Variants in GRM7 observed in about 807,000 individuals in gnomAD.
GRM7 encodes the protein metabotropic glutamate receptor 7.
A neutral mutation model predicts 84.5 loss-of-function variants in GRM7; 35 were observed. That is an observed-to-expected ratio of 0.41 (90% CI 0.32 to 0.55). The LOEUF (loss-of-function observed/expected upper bound fraction) is 0.55, where lower values mean the gene tolerates loss of function less well. Among genes scored for constraint, GRM7 ranks in the 20% least tolerant of loss-of-function variants. GRM7 has a pLI of 0.19. For synonymous variants in GRM7, 487 were observed against 455.1 expected (o/e 1.07, Z -0.89); for missense variants, 1,003 against 1,194.6 (o/e 0.84, Z 2.36).
chr3:7,059,460 T>G (rs916476591), intron 1 of GRM7, among the ~76,000 whole-genome samples: 1 of 151,768 alleles, frequency 6.6e-6, no homozygotes, highest in Non-Finnish European at 1.5e-5. Flanking sequence ...AACAAAAGGG[T>G]ATCTAAACAC....
intron 2 of GRM7, among the ~76,000 whole-genome samples, chr3:7,208,767 T>G (rs1416695507): frequency 6.6e-6 from 1 of 152,178 alleles, no homozygotes; most frequent in Non-Finnish European, 1.5e-5. Flanking sequence ...TGCTCTGCAA[T>G]TTGCCTTTTC....
chr3:7,677,171 A>C (rs2125137502), intron 8 of GRM7, among the ~76,000 whole-genome samples: 1 of 147,484 alleles, frequency 6.8e-6, no homozygotes, highest in Middle Eastern at 3.5e-3. Context: ...CTGAGGCAGG[A>C]GACTCGCTTG....
chr3:6,985,462 C>T (rs1271046219), intron 1 of GRM7, among the ~76,000 whole-genome samples: 1 of 152,104 alleles, frequency 6.6e-6, no homozygotes, highest in Non-Finnish European at 1.5e-5. Context: ...TGATGTTTGT[C>T]TGTCTGTGCC....
intron 4 of GRM7, among the ~76,000 whole-genome samples, chr3:7,322,550 C>T (rs549667579): frequency 2.6e-4 from 40 of 151,550 alleles, no homozygotes; most frequent in Admixed American, 1.7e-3. Flanking sequence ...TATCCCTTGC[C>T]CCTCACCCCT....
At chr3:6,972,021 A>T (rs946972389) in intron 1 of GRM7, among the ~76,000 whole-genome samples, 1 of 152,210 alleles carries the variant, frequency 6.6e-6, no homozygotes, top group African/African-American at 2.4e-5. Context: ...AATGTATCTA[A>T]CTTAATTTTC....
intron 6 of GRM7, 22 bp downstream of exon 6, chr3:7,452,829 C>T: frequency 6.8e-7 from 1 of 1,471,894 alleles, no homozygotes; most frequent in Non-Finnish European, 9.5e-7. Context: ...AAAATCCATC[C>T]TTTTTGGAAT....
chr3:7,330,688 C>G (rs184198253), intron 4 of GRM7, among the ~76,000 whole-genome samples: 6 of 152,300 alleles, frequency 3.9e-5, no homozygotes, highest in Admixed American at 3.9e-4. Context: ...TGCATTTCAC[C>G]TTCCACCATG....
intron 1 of GRM7, among the ~76,000 whole-genome samples, chr3:7,108,211 T>C (rs1692720399): frequency 6.6e-6 from 1 of 152,110 alleles, no homozygotes; most frequent in South Asian, 2.1e-4. Flanking sequence ...TTCTACATTA[T>C]ATATTTCAGA....
intron 1 of GRM7, among the ~76,000 whole-genome samples, chr3:7,101,464 T>A (rs1481507073): frequency 6.6e-6 from 1 of 151,726 alleles, no homozygotes; most frequent in Admixed American, 6.6e-5. Flanking sequence ...TTTTTTACTG[T>A]GTTTTTATAT....
intron 2 of GRM7, among the ~76,000 whole-genome samples, chr3:7,240,103 A>C (rs1011848609): frequency 7.8e-6 from 1 of 128,860 alleles, no homozygotes; most frequent in African/African-American, 2.9e-5. Flanking sequence ...AGTACCAGTA[A>C]TCTTTTAGCA....
chr3:7,152,483 C>G, intron 2 of GRM7, among the ~76,000 whole-genome samples: 1 of 152,208 alleles, frequency 6.6e-6, no homozygotes, highest in East Asian at 1.9e-4. Context: ...AATCTCCAGT[C>G]TCATTCCCAT....
At chr3:7,029,268 C>T (rs1696094956) in intron 1 of GRM7, among the ~76,000 whole-genome samples, 1 of 146,072 alleles carries the variant, frequency 6.8e-6, no homozygotes, top group Non-Finnish European at 1.5e-5. Context: ...CACGCCATTG[C>T]ACTCTAGCCT....
chr3:6,988,583 C>T (rs1304599291), intron 1 of GRM7, among the ~76,000 whole-genome samples: 3 of 152,110 alleles, frequency 2.0e-5, no homozygotes, highest in African/African-American at 4.8e-5. Flanking sequence ...GTAGCTACTT[C>T]GAACTAAGCT....
intron 1 of GRM7, among the ~76,000 whole-genome samples, chr3:6,883,892 T>C (rs1240658225): frequency 6.6e-6 from 1 of 152,186 alleles, no homozygotes; most frequent in Admixed American, 6.5e-5. Context: ...TATCTTGGTC[T>C]CTTCTGGAAA....
At chr3:7,055,214 T>G (rs2124961016) in intron 1 of GRM7, among the ~76,000 whole-genome samples, 1 of 150,406 alleles carries the variant, frequency 6.6e-6, no homozygotes, top group Middle Eastern at 3.4e-3. Flanking sequence ...CTTCTTCTTC[T>G]CTTTTTATTA....
At chr3:7,454,823 A>G (rs1433774384) in intron 6 of GRM7, among the ~76,000 whole-genome samples, 2 of 152,094 alleles carry the variant, frequency 1.3e-5, no homozygotes, top group East Asian at 3.9e-4. Flanking sequence ...TTTTACATGT[A>G]TATTATATAT....
chr3:7,352,056 A>G (rs372194058), intron 4 of GRM7, among the ~76,000 whole-genome samples: 1 of 46,970 alleles, frequency 2.1e-5, no homozygotes, highest in East Asian at 7.8e-4. Flanking sequence ...ACACACACAC[A>G]CCACACACAC....
intron 5 of GRM7, among the ~76,000 whole-genome samples, chr3:7,429,887 T>C (rs1395695310): frequency 2.0e-5 from 3 of 152,232 alleles, no homozygotes; most frequent in Non-Finnish European, 2.9e-5. Context: ...AAACATCTTA[T>C]AAGCTGTTTC....
At position 7,277,452 on chromosome 3, in the gene GRM7, T is replaced by C. The variant is rs565726923; in HGVS notation, c.737-21232T>C. Among the ~76,000 whole-genome samples the C allele has an allele frequency of 4.6e-5, 7 of 152,178 alleles. No individual in the cohort carries two copies. The East Asian group carries it at 1.4e-3, about 29-fold the overall frequency. ...TGGCATGGGGTACAGCTTCAGATGA[T>C]ATAAATCTGGTTGTTTGGAGCTACC... On this transcript the variant is annotated intron_variant, in intron 2 of 9. Transcript: ENST00000357716.
Sources: allele counts gnomAD v4.1 joint callset (sites outside exome capture counted in the v4.1 genomes callset), GRCh38; gene constraint gnomAD v4.1.1; transcripts MANE v1.5; gene names NCBI Gene and HGNC (gene_info 2026-07-23, HGNC 2026-07-21).